The following SHROOM4 variants were observed in gnomAD, a reference collection of about 807,000 sequenced individuals.
SHROOM4 encodes protein Shroom4.
In SHROOM4, 17 loss-of-function variants were observed where a neutral mutation model predicts 80.3. That is an observed-to-expected ratio of 0.21 (90% CI 0.14 to 0.32). The LOEUF is 0.32. SHROOM4 is among the 10% of genes least tolerant of loss of function. SHROOM4 has a pLI of 1.00. For missense variants in SHROOM4, 993 were observed against 1,140.3 expected, an observed-to-expected ratio of 0.87 and a Z score of 1.86; for synonymous variants, 400 against 437.5, an observed-to-expected ratio of 0.91 and a Z score of 1.07.
At chrX:50,777,228 G>A (rs782672516) in intron 1 of SHROOM4, among the ~76,000 whole-genome samples, 16 of 111,342 alleles carry the variant, frequency 1.4e-4, no homozygotes, top group Non-Finnish European at 2.6e-4. Flanking sequence ...TCCTGAGCCC[G>A]GGAGCCCAGT....
chrX:50,681,546 C>T, intron 2 of SHROOM4, among the ~76,000 whole-genome samples: 1 of 111,901 alleles, frequency 8.9e-6, no homozygotes, highest in Admixed American at 9.5e-5. Context: ...ACTCTTGGTT[C>T]AAATATCTTC....
the SHROOM4 span, among the ~76,000 whole-genome samples, chrX:50,575,984 A>G: frequency 7.2e-5 from 8 of 111,533 alleles, no homozygotes; most frequent in African/African-American, 2.0e-4. Flanking sequence ...TGTGGGGGGA[A>G]TCACCCCCTT....
At chrX:50,656,370 T>C (rs976126142) in intron 2 of SHROOM4, among the ~76,000 whole-genome samples, 18 of 112,086 alleles carry the variant, frequency 1.6e-4, no homozygotes, top group Non-Finnish European at 3.2e-4. Flanking sequence ...TTCCTTGTAG[T>C]AGTTTTAGAG....
At chrX:50,745,436 C>CAAAAACAA (rs1447413333) in intron 1 of SHROOM4, among the ~76,000 whole-genome samples, 32 of 108,227 alleles carry the variant, frequency 3.0e-4, no homozygotes, top group African/African-American at 1.0e-3. Context: ...CCTTGTCTGA[C>CAAAAACAA]AAAAACAAAA....
At chrX:50,729,991 A>C (rs1934332444) in intron 1 of SHROOM4, among the ~76,000 whole-genome samples, 2 of 112,481 alleles carry the variant, frequency 1.8e-5, no homozygotes, top group South Asian at 7.3e-4. Flanking sequence ...AGAAAATCTA[A>C]AGGAAATTCT....
intron 1 of SHROOM4, among the ~76,000 whole-genome samples, chrX:50,726,623 T>C (rs1396637833): frequency 8.9e-6 from 1 of 112,738 alleles, no homozygotes; most frequent in Non-Finnish European, 1.9e-5. Context: ...GCTCAGGCCA[T>C]TGCTTCAGAG....
intron 2 of SHROOM4, among the ~76,000 whole-genome samples, chrX:50,655,276 A>G (rs1932261679): frequency 9.1e-6 from 1 of 109,614 alleles, no homozygotes; most frequent in South Asian, 3.9e-4. Context: ...TTTTTGGTAG[A>G]AACATTTATT....
intron 2 of SHROOM4, among the ~76,000 whole-genome samples, chrX:50,652,071 G>C (rs1932106051): frequency 8.9e-6 from 1 of 111,956 alleles, no homozygotes; most frequent in Non-Finnish European, 1.9e-5. Context: ...ACAGTAGAGT[G>C]ACTTATAATC....
chrX:50,806,191 C>A (rs191456494), intron 1 of SHROOM4, among the ~76,000 whole-genome samples: 9 of 111,673 alleles, frequency 8.1e-5, no homozygotes, highest in Non-Finnish European at 1.9e-5. Flanking sequence ...GAAGGACAGC[C>A]TAGATGCATG....
At chrX:50,764,729 C>T (rs1270256759) in intron 1 of SHROOM4, among the ~76,000 whole-genome samples, 2 of 111,936 alleles carry the variant, frequency 1.8e-5, no homozygotes, top group African/African-American at 6.5e-5. Flanking sequence ...CCTCACACAG[C>T]CATTCTGGAA....
chrX:50,772,764 C>T (rs782781713), intron 1 of SHROOM4, among the ~76,000 whole-genome samples: 6 of 111,855 alleles, frequency 5.4e-5, no homozygotes, highest in South Asian at 7.5e-4. Flanking sequence ...TTGATTCAAA[C>T]GTTTTCTTCC....
chrX:50,676,583 T>A (rs1932857220), intron 2 of SHROOM4, among the ~76,000 whole-genome samples: 1 of 111,570 alleles, frequency 9.0e-6, no homozygotes, highest in Non-Finnish European at 1.9e-5. Flanking sequence ...TTCACTTGAA[T>A]GACTTTTCTA....
intron 5 of SHROOM4, 126 bp downstream of exon 5, chrX:50,627,488 T>A (rs965150864): frequency 4.9e-6 from 3 of 608,743 alleles, no homozygotes; most frequent in Middle Eastern, 9.3e-4. Context: ...ATCTATGGTA[T>A]CAAGCCCTTA....
chrX:50,775,133 G>C (rs1935477391), intron 1 of SHROOM4, among the ~76,000 whole-genome samples: 1 of 111,453 alleles, frequency 9.0e-6, no homozygotes, highest in African/African-American at 3.3e-5. Context: ...CAAGTTTCTG[G>C]ATACTTGGTT....
At chrX:50,710,969 G>A (rs1557264353) in intron 1 of SHROOM4, among the ~76,000 whole-genome samples, 1 of 111,573 alleles carries the variant, frequency 9.0e-6, no homozygotes, top group East Asian at 2.8e-4. Flanking sequence ...ACCAAGCCAG[G>A]AACATTTTAT....
intron 4 of SHROOM4, among the ~76,000 whole-genome samples, chrX:50,628,959 C>T (rs1039361253): frequency 8.9e-6 from 1 of 111,793 alleles, no homozygotes; most frequent in African/African-American, 3.3e-5. Flanking sequence ...GACTCTGCCT[C>T]GATGCCCTTG....
intron 2 of SHROOM4, among the ~76,000 whole-genome samples, chrX:50,694,541 G>T (rs1602439824): frequency 6.9e-5 from 1 of 14,400 alleles, no homozygotes; most frequent in Non-Finnish European, 2.3e-4. Flanking sequence ...TTTTTAAGTT[G>T]GATTTTTTTT....
At chrX:50,667,838 A>C (rs1162178842) in intron 2 of SHROOM4, among the ~76,000 whole-genome samples, 8 of 111,888 alleles carry the variant, frequency 7.2e-5, no homozygotes, top group Non-Finnish European at 1.5e-4. Flanking sequence ...GCTGAGAAGC[A>C]ACAACCTGGA....
intron 1 of SHROOM4, among the ~76,000 whole-genome samples, chrX:50,803,654 G>T (rs1424650408): frequency 1.8e-5 from 2 of 112,034 alleles, no homozygotes; most frequent in African/African-American, 6.5e-5. Context: ...GTTGCTCTTA[G>T]ATCCTACCCC....
Sources: allele counts gnomAD v4.1 joint callset (sites outside exome capture counted in the v4.1 genomes callset), GRCh38; gene constraint gnomAD v4.1.1; transcripts MANE v1.5; gene names NCBI Gene and HGNC (gene_info 2026-07-23, HGNC 2026-07-21).